CDH13: variants seen among roughly 807,000 people sequenced by gnomAD.
The protein encoded by CDH13 is cadherin 13.
In CDH13, 24 loss-of-function variants were observed where a neutral mutation model predicts 63.8. The observed-to-expected ratio is 0.38, with a 90% confidence interval of 0.27 to 0.53. The LOEUF is 0.53. Among genes scored for constraint, CDH13 ranks in the 20% least tolerant of loss-of-function variants. CDH13 has a pLI of 0.85. For synonymous variants in CDH13, 503 were observed against 355.3 expected, an observed-to-expected ratio of 1.42 and a Z score of -4.67; for missense variants, 1,049 against 903.1, an observed-to-expected ratio of 1.16 and a Z score of -2.07.
chr16:83,223,570 T>G (rs914999680), intron 5 of CDH13, among the ~76,000 whole-genome samples: 1 of 152,214 alleles, frequency 6.6e-6, no homozygotes, highest in Non-Finnish European at 1.5e-5. Context: ...GCAGCCCTGC[T>G]TGGGTTACCT....
intron 13 of CDH13, among the ~76,000 whole-genome samples, chr16:83,788,538 C>T (rs188366377): frequency 6.6e-6 from 1 of 151,582 alleles, no homozygotes; most frequent in Admixed American, 6.6e-5. Context: ...TTCTTGTGGT[C>T]CTCACTTTGA....
At chr16:83,514,654 A>C (rs2074658830) in intron 7 of CDH13, among the ~76,000 whole-genome samples, 1 of 152,168 alleles carries the variant, frequency 6.6e-6, no homozygotes, top group South Asian at 2.1e-4. Flanking sequence ...CAAAATTAAA[A>C]AGAGAAGAAG....
At chr16:82,891,195 A>G (rs111432116) in intron 2 of CDH13, among the ~76,000 whole-genome samples, 277 of 152,278 alleles carry the variant, frequency 1.8e-3, no homozygotes, top group African/African-American at 6.4e-3. Context: ...TCTGAATAAA[A>G]TGAGTTCCAT....
intron 7 of CDH13, among the ~76,000 whole-genome samples, chr16:83,506,921 A>G (rs1422098015): frequency 2.0e-5 from 3 of 152,230 alleles, no homozygotes; most frequent in Non-Finnish European, 4.4e-5. Flanking sequence ...CCTCACCAAC[A>G]TCCTGACTGA....
At chr16:83,252,697 T>A (rs1419716742) in intron 5 of CDH13, among the ~76,000 whole-genome samples, 1 of 152,114 alleles carries the variant, frequency 6.6e-6, no homozygotes, top group Non-Finnish European at 1.5e-5. Context: ...AGACACTTGG[T>A]GGAGATGTTT....
intron 7 of CDH13, among the ~76,000 whole-genome samples, chr16:83,529,415 G>T (rs966674068): frequency 4.6e-5 from 7 of 151,844 alleles, no homozygotes; most frequent in African/African-American, 1.7e-4. Context: ...TTTTTTGTAG[G>T]TACAAAAAAT....
chr16:83,130,931 C>T (rs8063107), intron 4 of CDH13, among the ~76,000 whole-genome samples: 76,788 of 151,972 alleles, frequency 0.51, 19,999 homozygotes, highest in Admixed American at 0.57. Context: ...TTTTTCACAA[C>T]TGGATATCCT....
rs1245806090 is a variant in CDH13 at position 83,435,524 on chromosome 16, C to G, written c.782-50953C>G. ...TTCAGCCCTGCTGCCTCTCTTCACT[C>G]TGTCTCATTCCACTCTCCCACGCCC... On this transcript the variant is annotated intron_variant, in intron 6 of 13. Coordinates refer to ENST00000567109, the MANE Select transcript of CDH13 (RefSeq NM_001257.5). Among the ~76,000 whole-genome samples the G allele has an allele frequency of 2.0e-5, 3 of 152,192 alleles. No individual in the cohort carries two copies. The South Asian group carries it at 6.2e-4, about 32-fold the overall frequency.
intron 1 of CDH13, among the ~76,000 whole-genome samples, chr16:82,757,140 T>G (rs1412293087): frequency 1.3e-5 from 2 of 152,160 alleles, no homozygotes; most frequent in Admixed American, 6.5e-5. Context: ...AGTACCTCCA[T>G]GCTGTATTGT....
chr16:83,283,746 G>C (rs1174907236), intron 5 of CDH13, among the ~76,000 whole-genome samples: 1 of 152,088 alleles, frequency 6.6e-6, no homozygotes, highest in Non-Finnish European at 1.5e-5. Context: ...TAAGGTCTTA[G>C]TTTGAGCTGG....
chr16:83,678,246 G>A lies in CDH13; in HGVS notation c.1323G>A (p.Leu441=). 6.2e-7 allele frequency: 1 copy of A among 1,613,854 alleles called. No individual in the cohort carries two copies. The highest frequency in any genetic ancestry group is 8.5e-7 in the Non-Finnish European group (1 of 1,179,838). Residue 441 remains leucine (L), a synonymous_variant, in exon 10 of 14, where the codon CTG becomes CTA. Transcript: ENST00000567109. ...DYEISAFHTL[L]IKVENEDPLV... Reference sequence around the variant, plus strand: ...AAATTTCTGCCTTCCACACCCTGCTGATCAAAGTGGAAAATGAAGACCCAC... The same window carrying A: ...AAATTTCTGCCTTCCACACCCTGCTAATCAAAGTGGAAAATGAAGACCCAC...
In CDH13 at chr16:82,890,953, G is replaced by A. The variant is rs573325952; in HGVS notation, c.157+32480G>A. Among the ~76,000 whole-genome samples the A allele has an allele frequency of 5.3e-5, 8 of 151,940 alleles. No homozygotes were observed. In the East Asian group the frequency reaches 1.2e-3, roughly 22 times the overall value. On this transcript the variant is annotated intron_variant, in intron 2 of 13. Transcript: ENST00000567109. Reference sequence around the variant, plus strand: ...AGGCGTGAGCCACTGTGCCTGGCCGGCAGCAATTCTTTTATATACTTGGAG... The same window carrying A: ...AGGCGTGAGCCACTGTGCCTGGCCGACAGCAATTCTTTTATATACTTGGAG...
chr16:83,025,939 C>T (rs1915761470), intron 2 of CDH13, among the ~76,000 whole-genome samples: 1 of 152,172 alleles, frequency 6.6e-6, no homozygotes, highest in Non-Finnish European at 1.5e-5. Flanking sequence ...GTATCATAAT[C>T]TTGGGAGAGA....
chr16:83,626,281 G>T (rs948035911), intron 8 of CDH13, among the ~76,000 whole-genome samples: 1 of 152,172 alleles, frequency 6.6e-6, no homozygotes, highest in South Asian at 2.1e-4. Flanking sequence ...AGGCCCCGAG[G>T]AATGCAGGAA....
intron 6 of CDH13, among the ~76,000 whole-genome samples, chr16:83,451,565 G>A (rs2072887936): frequency 6.6e-6 from 1 of 152,144 alleles, no homozygotes; most frequent in Non-Finnish European, 1.5e-5. Flanking sequence ...TGTCATCCAG[G>A]CTGGAGTACA....
intron 8 of CDH13, among the ~76,000 whole-genome samples, chr16:83,660,935 A>T (rs930127986): frequency 6.6e-6 from 1 of 152,228 alleles, no homozygotes; most frequent in African/African-American, 2.4e-5. Context: ...TGAAGAAAAA[A>T]AAATGTAGGC....
intron 6 of CDH13, among the ~76,000 whole-genome samples, chr16:83,480,136 G>A (rs1411236563): frequency 1.3e-5 from 2 of 152,084 alleles, no homozygotes; most frequent in Non-Finnish European, 2.9e-5. Context: ...ACCAGCCCAG[G>A]CAACATGACA....
intron 4 of CDH13, among the ~76,000 whole-genome samples, chr16:83,202,145 G>A (rs2039050893): frequency 6.6e-6 from 1 of 152,160 alleles, no homozygotes; most frequent in Non-Finnish European, 1.5e-5. Flanking sequence ...AAGGTCCTCA[G>A]TCTCTCCCTG....
chr16:82,667,000 C>A (rs1427709095), intron 1 of CDH13, among the ~76,000 whole-genome samples: 3 of 152,172 alleles, frequency 2.0e-5, no homozygotes, highest in Admixed American at 6.5e-5. Flanking sequence ...ACACGCTTTG[C>A]CCTACTGCTT....
Sources: gnomAD v4.1 joint callset for allele counts (sites outside exome capture counted in the v4.1 genomes callset) on GRCh38, gnomAD v4.1.1 for gene constraint, MANE v1.5 for transcripts, NCBI Gene and HGNC (gene_info 2026-07-23, HGNC 2026-07-21) for gene names.